Variants in AKAP13 observed in about 807,000 individuals in gnomAD.
AKAP13 encodes the protein A-kinase anchoring protein 13.
Under a neutral mutation model 264.5 loss-of-function variants are expected in AKAP13, and 80 were observed. The ratio of observed to expected loss-of-function variants is 0.30; its 90% CI spans 0.25 to 0.36. The LOEUF (loss-of-function observed/expected upper bound fraction) is 0.36. Ranked by LOEUF, AKAP13 falls within the 10% of genes least tolerant of loss-of-function variation. The pLI, the probability that AKAP13 is intolerant of heterozygous loss-of-function variation, is 1.00. For missense variants in AKAP13, 3,712 were observed against 3,435.2 expected, an observed-to-expected ratio of 1.08 and a Z score of -2.01; for synonymous variants, 1,380 against 1,250.2, an observed-to-expected ratio of 1.10 and a Z score of -2.19.
At chr15:85,551,313 C>T (rs1052680628) in intron 5 of AKAP13, among the ~76,000 whole-genome samples, 3 of 152,166 alleles carry the variant, frequency 2.0e-5, no homozygotes, top group Non-Finnish European at 4.4e-5. Flanking sequence ...TAATATTGTA[C>T]TTATAGAGCA....
intron 8 of AKAP13, among the ~76,000 whole-genome samples, chr15:85,621,702 T>C (rs8042438): frequency 0.94 from 143,522 of 152,292 alleles, 67,676 homozygotes; most frequent in East Asian, 0.98. Flanking sequence ...AATGAAGCAC[T>C]TCCATATACG....
rs2078615564 is a variant in AKAP13 at position 85,566,645 on chromosome 15, T to TA, written c.663-8483dup. On this transcript the variant is annotated intron_variant, in intron 5 of 36. Transcript: ENST00000394518. ...AACTTACTTTTTTTTTTTTTTTTTT[T>TA]AAATGGAGTCTCGCTCTGTTGCCCA... is the stretch of plus-strand genomic sequence containing the variant. Among the ~76,000 whole-genome samples the TA allele has an allele frequency of 9.3e-5, 14 of 150,306 alleles. 2 individuals are homozygous for TA. The South Asian group carries it at 3.0e-3, about 32-fold the overall frequency.
intron 1 of AKAP13, among the ~76,000 whole-genome samples, chr15:85,459,511 T>G (rs184504443): frequency 6.9e-6 from 1 of 144,778 alleles, no homozygotes; most frequent in East Asian, 2.1e-4. Flanking sequence ...CTTTTTCTTT[T>G]TTTTTTGAGA....
chr15:85,399,466 G>A (rs1368638313), intron 1 of AKAP13, among the ~76,000 whole-genome samples: 1 of 131,318 alleles, frequency 7.6e-6, no homozygotes, highest in Non-Finnish European at 1.5e-5. Flanking sequence ...ACTGCAGTCC[G>A]CAGTCCGGCC....
intron 8 of AKAP13, among the ~76,000 whole-genome samples, chr15:85,625,962 A>T (rs2081391119): frequency 6.6e-6 from 1 of 152,240 alleles, no homozygotes; most frequent in Admixed American, 6.5e-5. Flanking sequence ...TACATCTCTT[A>T]AGCAGCTTAC....
intron 1 of AKAP13, among the ~76,000 whole-genome samples, chr15:85,457,118 A>G (rs2150989944): frequency 6.6e-6 from 1 of 152,306 alleles, no homozygotes; most frequent in East Asian, 1.9e-4. Flanking sequence ...ATTGCCCCAG[A>G]CCTCATAGAA....
At chr15:85,422,069 T>C (rs2072549692) in intron 1 of AKAP13, among the ~76,000 whole-genome samples, 1 of 152,242 alleles carries the variant, frequency 6.6e-6, no homozygotes, top group Non-Finnish European at 1.5e-5. Flanking sequence ...TGGTGGGCTC[T>C]ATCATGATCT....
chr15:85,739,719 T>C (rs1833996613), intron 33 of AKAP13, among the ~76,000 whole-genome samples: 1 of 152,194 alleles, frequency 6.6e-6, no homozygotes, highest in Non-Finnish European at 1.5e-5. Context: ...TTGCCCTGGC[T>C]GGACATAAAT....
intron 1 of AKAP13, among the ~76,000 whole-genome samples, chr15:85,404,315 T>C (rs1456904487): frequency 6.6e-6 from 1 of 152,220 alleles, no homozygotes; most frequent in East Asian, 1.9e-4. Flanking sequence ...CATTTAAAAA[T>C]AGTAGTTCCT....
intron 1 of AKAP13, among the ~76,000 whole-genome samples, chr15:85,434,357 C>G (rs1596155683): frequency 1.3e-5 from 2 of 152,314 alleles, no homozygotes; most frequent in East Asian, 1.9e-4. Context: ...GCACAGCAGT[C>G]TGAAATCAAA....
chr15:85,741,314 T>C lies in AKAP13; in HGVS notation c.7877T>C (p.Val2626Ala). The C allele has an allele frequency of 6.2e-7, 1 of 1,612,042 alleles. No individual in the cohort carries two copies. Among genetic ancestry groups the C allele is most frequent in the Non-Finnish European group, 8.5e-7 (1 of 1,179,284 alleles). The change falls in exon 35 of 37, where the codon GTG (valine) becomes GCG (alanine). Residue 2626 changes from valine to alanine, a missense_variant. Val to Ala is a moderately conservative substitution (Grantham distance 64). This residue lies in a region of AKAP13 where 611 missense variants were observed against 539.3 expected (regional missense o/e 1.13). Transcript: ENST00000394518. The stretch of plus-strand genomic sequence containing the variant: ...CTCCTGGCCCAGCGCGAGGAGGAGG[T>C]GCAGCAGGGGCAGCAGGACCTGGAA... ...EALLAQREEE[V>A]QQGQQDLEKE...
intron 16 of AKAP13, among the ~76,000 whole-genome samples, chr15:85,686,025 C>A (rs758407381): frequency 6.6e-6 from 1 of 152,068 alleles, no homozygotes; most frequent in Non-Finnish European, 1.5e-5. Context: ...ATTTCAAGTC[C>A]GTGGGGAAAA....
At chr15:85,570,439 G>A (rs1463484986) in intron 5 of AKAP13, among the ~76,000 whole-genome samples, 2 of 152,174 alleles carry the variant, frequency 1.3e-5, no homozygotes, top group Non-Finnish European at 2.9e-5. Context: ...GTGACAGAAC[G>A]AGACTCTGTC....
At chr15:85,670,059 G>T (rs958716254) in intron 14 of AKAP13, among the ~76,000 whole-genome samples, 1 of 152,012 alleles carries the variant, frequency 6.6e-6, no homozygotes, top group Non-Finnish European at 1.5e-5. Context: ...GTATTTGTGG[G>T]CATGAATCTG....
chr15:85,396,021 TACACACACAC>T (rs57665297), intron 1 of AKAP13, among the ~76,000 whole-genome samples: 2 of 150,454 alleles, frequency 1.3e-5, no homozygotes, highest in Non-Finnish European at 3.0e-5. Context: ...TATACATACA[TACACACACAC>T]ACACACACAC....
At chr15:85,466,071 T>C (rs2074727951) in intron 1 of AKAP13, among the ~76,000 whole-genome samples, 1 of 152,228 alleles carries the variant, frequency 6.6e-6, no homozygotes, top group South Asian at 2.1e-4. Flanking sequence ...GGTATCTCAT[T>C]GTGGTTCTGA....
chr15:85,502,628 A>G (rs771019580), intron 2 of AKAP13, among the ~76,000 whole-genome samples: 13 of 152,222 alleles, frequency 8.5e-5, no homozygotes, highest in Non-Finnish European at 1.3e-4. Flanking sequence ...TTTTACTGGT[A>G]ACACTAGATA....
chr15:85,743,386 A>C, intron 35 of AKAP13, 106 bp from the exon 36 acceptor site: 1 of 1,228,884 alleles, frequency 8.1e-7, no homozygotes, highest in Non-Finnish European at 1.1e-6. Context: ...AGAGGTGGGT[A>C]AGTACCCAGC....
At chr15:85,714,380 T>G (rs1452163879) in intron 19 of AKAP13, among the ~76,000 whole-genome samples, 2 of 152,366 alleles carry the variant, frequency 1.3e-5, no homozygotes, top group East Asian at 3.9e-4. Flanking sequence ...TAAGGGGATC[T>G]ATGTAGTTCA....
Sources: allele counts gnomAD v4.1 joint callset (sites outside exome capture counted in the v4.1 genomes callset), GRCh38; gene constraint gnomAD v4.1.1; regional missense constraint gnomAD v4.1.1; transcripts MANE v1.5; gene names NCBI Gene and HGNC (gene_info 2026-07-23, HGNC 2026-07-21).